Variants in STXBP5L observed in about 807,000 individuals in gnomAD.
STXBP5L encodes the protein syntaxin-binding protein 5-like.
Under a neutral mutation model 144.5 loss-of-function variants are expected in STXBP5L, and 65 were observed. The ratio of observed to expected loss-of-function variants is 0.45; its 90% CI spans 0.37 to 0.55. The LOEUF is 0.55. Among genes scored for constraint, STXBP5L ranks in the 20% least tolerant of loss-of-function variants. The probability of loss-of-function intolerance (pLI) is 0.00; values close to 1 mark genes in which losing one functional copy is unlikely to be tolerated. For missense variants in STXBP5L, 1,298 were observed against 1,405.5 expected (o/e 0.92, Z 1.22); for synonymous variants, 505 against 469.6 (o/e 1.08, Z -0.97).
At chr3:121,413,461 A>AT in intron 24 of STXBP5L, 138 bp downstream of exon 24, 1 of 726,054 alleles carries the variant, frequency 1.4e-6, no homozygotes, top group Non-Finnish European at 2.0e-6. Context: ...TATATTCTTC[A>AT]TTTTGAGCCT....
intron 3 of STXBP5L, among the ~76,000 whole-genome samples, chr3:120,958,436 G>C (rs140968181): frequency 0.04 from 6,062 of 152,000 alleles, 170 homozygotes; most frequent in Middle Eastern, 0.082. Flanking sequence ...GATACCAAAG[G>C]CTGACAGAGA....
chr3:121,388,848 T>C (rs1312782375), intron 22 of STXBP5L, among the ~76,000 whole-genome samples: 1 of 152,232 alleles, frequency 6.6e-6, no homozygotes, highest in African/African-American at 2.4e-5. Flanking sequence ...TGCTCTAAAA[T>C]TCTCTTTTTT....
At position 121,078,776 on chromosome 3, in the gene STXBP5L, C is replaced by G. The variant is rs889318022; in HGVS notation, c.470+33241C>G. 2.0e-5 allele frequency among the ~76,000 whole-genome samples: 3 copies of G among 152,392 alleles called. No individual in the cohort carries two copies. In the South Asian group the frequency reaches 6.2e-4, roughly 32 times the overall value. On this transcript the variant is annotated intron_variant, in intron 5 of 26. Transcript: ENST00000471454. ...AGCACTGCTGGGGGACCCAGTACAC[C>G]CTCCGCAGCCGCTGGCCCAGGTGCT... is the stretch of plus-strand genomic sequence containing the variant.
At chr3:120,913,635 T>C (rs1708961760) in intron 2 of STXBP5L, among the ~76,000 whole-genome samples, 1 of 152,070 alleles carries the variant, frequency 6.6e-6, no homozygotes. Context: ...ATTGGAGTTC[T>C]GTGTGGACTT....
chr3:121,109,210 A>G (rs2043863849), intron 5 of STXBP5L, among the ~76,000 whole-genome samples: 2 of 151,984 alleles, frequency 1.3e-5, no homozygotes, highest in African/African-American at 4.8e-5. Context: ...ACTTTTTTGA[A>G]GGGTTTTTCA....
intron 22 of STXBP5L, among the ~76,000 whole-genome samples, chr3:121,401,578 G>C (rs2046874621): frequency 7.1e-6 from 1 of 140,428 alleles, no homozygotes. Context: ...AAAATGATGA[G>C]TTCATGTCCT....
chr3:121,118,596 C>T (rs755675217), intron 6 of STXBP5L, among the ~76,000 whole-genome samples: 7 of 151,652 alleles, frequency 4.6e-5, no homozygotes, highest in African/African-American at 1.4e-4. Context: ...TAGATTTTGA[C>T]GGTTGCAAGC....
Position 121,419,118 on chromosome 3 carries a change from G to A in STXBP5L, c.*21G>A, listed in dbSNP as rs772783093. The A allele has an allele frequency of 3.1e-6, 5 of 1,607,020 alleles. No homozygotes were observed. The African/African-American group carries it at 5.4e-5, about 17-fold the overall frequency. On this transcript the variant is annotated 3_prime_UTR_variant, in exon 27 of 27. Transcript: ENST00000471454. ...TCTGACTTCTAAAGAAGCTGTGACT[G>A]CTTTGAGAAACCATATTCAGGGAAA...
At chr3:121,208,006 T>C (rs1200538773) in intron 10 of STXBP5L, among the ~76,000 whole-genome samples, 1 of 152,144 alleles carries the variant, frequency 6.6e-6, no homozygotes, top group Non-Finnish European at 1.5e-5. Context: ...GGATTATAAA[T>C]CATGCTGCTA....
At chr3:121,023,340 A>G (rs1560015534) in intron 3 of STXBP5L, among the ~76,000 whole-genome samples, 2 of 152,154 alleles carry the variant, frequency 1.3e-5, no homozygotes, top group African/African-American at 4.8e-5. Context: ...TACAAATTCA[A>G]TGCAATTATC....
intron 3 of STXBP5L, among the ~76,000 whole-genome samples, chr3:120,955,617 A>T (rs1041791669): frequency 6.6e-6 from 1 of 152,040 alleles, no homozygotes; most frequent in African/African-American, 2.4e-5. Flanking sequence ...ACATGTAGTT[A>T]TAAGAAATAA....
intron 20 of STXBP5L, among the ~76,000 whole-genome samples, chr3:121,320,460 C>A: frequency 6.6e-6 from 1 of 151,502 alleles, no homozygotes; most frequent in Admixed American, 6.6e-5. Context: ...TCCATTTTCT[C>A]CTTCTAAAGG....
chr3:121,264,621 T>A (rs1473213676), intron 18 of STXBP5L, among the ~76,000 whole-genome samples: 1 of 152,038 alleles, frequency 6.6e-6, no homozygotes, highest in African/African-American at 2.4e-5. Flanking sequence ...AATTTACACA[T>A]AACAATATTA....
At chr3:121,025,911 T>G (rs1372293853) in intron 3 of STXBP5L, among the ~76,000 whole-genome samples, 1 of 119,890 alleles carries the variant, frequency 8.3e-6, no homozygotes, top group Non-Finnish European at 1.6e-5. Flanking sequence ...ATTATATAAA[T>G]TTATAAATAT....
intron 14 of STXBP5L, among the ~76,000 whole-genome samples, chr3:121,246,018 A>G (rs1370802662): frequency 6.6e-6 from 1 of 152,104 alleles, no homozygotes; most frequent in Non-Finnish European, 1.5e-5. Context: ...TTGTTCTAGG[A>G]TAAGTAATAT....
intron 3 of STXBP5L, among the ~76,000 whole-genome samples, chr3:121,036,247 C>T (rs888274665): frequency 2.0e-5 from 3 of 152,012 alleles, no homozygotes; most frequent in Non-Finnish European, 2.9e-5. Flanking sequence ...GCAGGAGAAT[C>T]GCTTGAACCC....
At chr3:121,028,365 C>A (rs551357387) in intron 3 of STXBP5L, among the ~76,000 whole-genome samples, 2 of 151,946 alleles carry the variant, frequency 1.3e-5, no homozygotes, top group Non-Finnish European at 2.9e-5. Context: ...TTAATTGGTA[C>A]TCTATAACTT....
At chr3:121,083,984 A>C (rs2042372453) in intron 5 of STXBP5L, among the ~76,000 whole-genome samples, 1 of 152,128 alleles carries the variant, frequency 6.6e-6, no homozygotes, top group East Asian at 1.9e-4. Flanking sequence ...CTCCTAAAAA[A>C]ATCTCCTACT....
chr3:121,078,085 A>T (rs1342860917), intron 5 of STXBP5L, among the ~76,000 whole-genome samples: 2 of 151,256 alleles, frequency 1.3e-5, no homozygotes, highest in Non-Finnish European at 2.9e-5. Context: ...TGTATTTACA[A>T]TCCCTTAGCT....
Sources: gnomAD v4.1 joint callset for allele counts (sites outside exome capture counted in the v4.1 genomes callset) on GRCh38, gnomAD v4.1.1 for gene constraint, MANE v1.5 for transcripts, NCBI Gene and HGNC (gene_info 2026-07-23, HGNC 2026-07-21) for gene names.